C9orf72: variants seen among roughly 807,000 people sequenced by gnomAD.
The protein encoded by C9orf72 is C9orf72-SMCR8 complex subunit.
A neutral mutation model predicts 51.6 loss-of-function variants in C9orf72; 44 were observed. The ratio of observed to expected loss-of-function variants is 0.85; its 90% CI spans 0.67 to 1.10. C9orf72 has a LOEUF of 1.10. Ranked by LOEUF, C9orf72 falls within the 50% of genes least tolerant of loss-of-function variation. C9orf72 has a pLI of 0.00. For synonymous variants in C9orf72, 213 were observed against 194.2 expected, an observed-to-expected ratio of 1.10 and a Z score of -0.81; for missense variants, 607 against 570.6, an observed-to-expected ratio of 1.06 and a Z score of -0.65.
intron 7 of C9orf72, among the ~76,000 whole-genome samples, chr9:27,558,054 TC>T (rs940615206): frequency 3.9e-4 from 58 of 149,706 alleles, no homozygotes; most frequent in African/African-American, 1.3e-3. Flanking sequence ...ACAATTTTTT[TC>T]TAATATATAT....
chr9:27,565,430 G>A (rs1275819122), intron 3 of C9orf72, 101 bp downstream of exon 3: 6 of 678,598 alleles, frequency 8.8e-6, no homozygotes, highest in Non-Finnish European at 1.3e-5. Flanking sequence ...TCCATTAAAG[G>A]CTTATTCGTA....
chr9:27,566,655 A>G, intron 2 of C9orf72, 22 bp downstream of exon 2: 1 of 1,519,630 alleles, frequency 6.6e-7, no homozygotes. Context: ...TAACATGATT[A>G]ATAAGCTGAA....
chr9:27,561,206 G>A, intron 5 of C9orf72: 1 of 998,740 alleles, frequency 1.0e-6, no homozygotes, highest in Non-Finnish European at 1.2e-6. Flanking sequence ...CTGCTGGATG[G>A]AAAAAGATCA....
intron 8 of C9orf72, among the ~76,000 whole-genome samples, chr9:27,551,083 CA>C (rs200716786): frequency 8.5e-6 from 1 of 117,120 alleles, no homozygotes; most frequent in Non-Finnish European, 2.0e-5. Flanking sequence ...CTTGCCATCT[CA>C]AAAAAAAACA....
At chr9:27,566,342 A>G (rs970016154) in intron 2 of C9orf72, among the ~76,000 whole-genome samples, 2 of 152,312 alleles carry the variant, frequency 1.3e-5, no homozygotes, top group Non-Finnish European at 2.9e-5. Flanking sequence ...ACATAGTAGT[A>G]AGCAAAAGAC....
chr9:27,558,362 T>G, intron 7 of C9orf72, 129 bp downstream of exon 7: 1 of 678,794 alleles, frequency 1.5e-6, no homozygotes, highest in South Asian at 1.7e-5. Context: ...CAGAACTGTG[T>G]AAAGGAAGTC....
intron 5 of C9orf72, chr9:27,561,325 C>T: frequency 8.2e-7 from 1 of 1,226,520 alleles, no homozygotes; most frequent in Non-Finnish European, 1.0e-6. Context: ...AAACAAGAAA[C>T]CAGAATCAAG....
At position 27,566,894 on chromosome 9, in the gene C9orf72, T is replaced by C. The variant is rs906448560; in HGVS notation, c.227A>G (p.Glu76Gly). Residue 76 changes from glutamate to glycine, a missense_variant, in exon 2 of 11, where the codon GAG becomes GGG. Transcript: ENST00000380003. ...AAACTTTACATCTATAGCACCACTC[T>C]CTGCATTTCGAAGGATTTCTCCATT... ...TLNGEILRNA[E>G]SGAIDVKFFV... 6.2e-7 allele frequency: 1 copy of C among 1,613,924 alleles called. No individual in the cohort carries two copies. The highest frequency in any genetic ancestry group is 1.3e-5 in the African/African-American group (1 of 74,930).
rs552947474 is a variant in C9orf72, at chr9:27,569,212, A to C, written c.-44-2048T>G. On this transcript the variant is annotated intron_variant, in intron 1 of 10. Coordinates refer to ENST00000380003, the MANE Select transcript of C9orf72 (RefSeq NM_018325.5). The stretch of plus-strand genomic sequence containing the variant: ...AAGTATTTTAAAAGTTAAAAAATTA[A>C]AAAGTTTACAAAGTTAAAAAGTTAT... Among the ~76,000 whole-genome samples, 13 of 152,358 alleles carry C rather than the reference A, an allele frequency of 8.5e-5. 1 individual carries two copies. The South Asian group carries it at 2.7e-3, about 32-fold the overall frequency.
chr9:27,561,933 C>G (rs1193120883), intron 4 of C9orf72, among the ~76,000 whole-genome samples: 4 of 152,130 alleles, frequency 2.6e-5, no homozygotes, highest in Non-Finnish European at 5.9e-5. Context: ...CAGAAAACAA[C>G]AAGAATAGTT....
At chr9:27,561,958 C>G (rs1819361512) in intron 4 of C9orf72, among the ~76,000 whole-genome samples, 1 of 152,180 alleles carries the variant, frequency 6.6e-6, no homozygotes, top group South Asian at 2.1e-4. Context: ...AAAGGTATCT[C>G]TTAACACTCA....
chr9:27,558,048 T>A (rs907809930), intron 7 of C9orf72, among the ~76,000 whole-genome samples: 7 of 149,774 alleles, frequency 4.7e-5, no homozygotes, highest in Admixed American at 2.0e-4. Context: ...AAAAATACAA[T>A]TTTTTTCTAA....
intron 3 of C9orf72, 136 bp from the exon 4 acceptor site, chr9:27,562,612 AC>A: frequency 2.3e-6 from 1 of 442,436 alleles, no homozygotes; most frequent in African/African-American, 2.0e-5. Context: ...ACAGTATCAA[AC>A]AAGTCTACTA....
At chr9:27,563,936 T>G (rs866855324) in intron 3 of C9orf72, among the ~76,000 whole-genome samples, 10 of 152,228 alleles carry the variant, frequency 6.6e-5, no homozygotes, top group South Asian at 2.1e-4. Context: ...ACAACTGAAG[T>G]TGTTTCAAAC....
Position 27,561,317 on chromosome 9 carries a change from A to C in C9orf72, c.665+268T>G, listed in dbSNP as rs979960077. On this transcript the variant is annotated intron_variant, in intron 5 of 10. Transcript: ENST00000380003. ...TCTGTTAGCTTTAATGAGAAGTAAAACAAGAAACCAGAATCAAGCAAGGGG... is the reference window on the plus strand; with the variant it reads ...TCTGTTAGCTTTAATGAGAAGTAAACCAAGAAACCAGAATCAAGCAAGGGG... 2.0e-5 allele frequency: 24 copies of C among 1,215,874 alleles called. No individual in the cohort carries two copies. The East Asian group carries it at 1.2e-3, about 59-fold the overall frequency. 75.3% of individuals were successfully genotyped at this position (1,215,874 alleles called of 1,614,324 possible).
Position 27,560,232 on chromosome 9 carries a change from T to C in C9orf72, c.733A>G (p.Asn245Asp). The stretch of plus-strand genomic sequence containing the variant: ...TAGATTATAAAATAAACTACCTTAT[T>C]TACTTTCTCTGCACTGCTACCTACT... ...VVVGSSAEKV[N>D]KIVRTLCLFL... The change falls in exon 6 of 11, where the codon AAT (asparagine) becomes GAT (aspartate). Residue 245 changes from asparagine (N) to aspartate (D), a missense_variant. Asn to Asp is a conservative substitution (Grantham distance 23, BLOSUM62 1). Coordinates refer to ENST00000380003, the MANE Select transcript of C9orf72 (RefSeq NM_018325.5). The C allele has an allele frequency of 6.2e-7, 1 of 1,601,570 alleles. No individual in the cohort carries two copies. The highest frequency in any genetic ancestry group is 8.5e-7 in the Non-Finnish European group (1 of 1,172,426).
At chr9:27,564,601 T>C (rs1819423815) in intron 3 of C9orf72, among the ~76,000 whole-genome samples, 1 of 152,126 alleles carries the variant, frequency 6.6e-6, no homozygotes, top group African/African-American at 2.4e-5. Context: ...GAAAGCTATC[T>C]ACAAAAGTAC....
At chr9:27,563,867 AATG>A (rs1411306232) in intron 3 of C9orf72, among the ~76,000 whole-genome samples, 1 of 152,198 alleles carries the variant, frequency 6.6e-6, no homozygotes, top group Non-Finnish European at 1.5e-5. Flanking sequence ...TAACAAGAAT[AATG>A]ACTAGATCCG....
intron 7 of C9orf72, 33 bp from the exon 8 acceptor site, chr9:27,556,829 C>T: frequency 2.2e-6 from 3 of 1,335,616 alleles, no homozygotes; most frequent in Non-Finnish European, 3.2e-6. Context: ...TACTGTCTTA[C>T]ATGCCAAACG....
Sources: gnomAD v4.1 joint callset for allele counts (sites outside exome capture counted in the v4.1 genomes callset) on GRCh38, gnomAD v4.1.1 for gene constraint, MANE v1.5 for transcripts, NCBI Gene and HGNC (gene_info 2026-07-23, HGNC 2026-07-21) for gene names.